ARFGEF1: variants seen among roughly 807,000 people sequenced by gnomAD.
The protein encoded by ARFGEF1 is ARF guanine nucleotide exchange factor 1.
A neutral mutation model predicts 231.0 loss-of-function variants in ARFGEF1; 42 were observed. That is an observed-to-expected ratio of 0.18 (90% CI 0.14 to 0.24). The LOEUF is 0.24. ARFGEF1 is among the 10% of genes least tolerant of loss of function. The probability of loss-of-function intolerance (pLI) is 1.00; values close to 1 mark genes in which losing one functional copy is unlikely to be tolerated. For missense variants in ARFGEF1, 1,345 were observed against 2,192.0 expected (o/e 0.61, Z 7.72); for synonymous variants, 710 against 732.3 (o/e 0.97, Z 0.49).
intron 38 of ARFGEF1, 185 bp downstream of exon 38, chr8:67,200,211 G>T (rs1463887887): frequency 3.0e-6 from 2 of 656,946 alleles, no homozygotes; most frequent in Non-Finnish European, 5.6e-6. Context: ...AGCTGGGTAA[G>T]GGGGGAGAAA....
chr8:67,179,632 T>C (rs1271709537), intron 5 of ARFGEF1, among the ~76,000 whole-genome samples: 2 of 152,212 alleles, frequency 1.3e-5, no homozygotes, highest in Non-Finnish European at 2.9e-5. Flanking sequence ...GCTTGTAGAA[T>C]CTGTAGCCTG....
chr8:67,272,180 T>G (rs1282257114), intron 9 of ARFGEF1, among the ~76,000 whole-genome samples: 1 of 152,110 alleles, frequency 6.6e-6, no homozygotes, highest in African/African-American at 2.4e-5. Flanking sequence ...CTTTTTAAAT[T>G]TATTATTTTG....
chr8:67,180,068 TGC>T lies in ARFGEF1; in HGVS notation c.561-4498_561-4497del, dbSNP rs559749210. ...TTCTTTTTTCTGTTTTAATCAGATATGCCTTGGAAAGTTTTCAAAATCAGAAT... is the reference window on the plus strand; with the variant it reads ...TTCTTTTTTCTGTTTTAATCAGATATCTTGGAAAGTTTTCAAAATCAGAAT... On this transcript the variant is annotated intron_variant, in intron 5 of 5. Transcript: ENST00000518789. 506 of 528,024 alleles carry T rather than the reference TGC, an allele frequency of 9.6e-4. 2 individuals carry two copies. Among genetic ancestry groups the T allele is most frequent in the African/African-American group, 9.4e-3 (478 of 50,998 alleles). The allele number at this position is 528,024 out of a possible 1,614,324, so 32.7% of individuals were successfully genotyped here.
intron 29 of ARFGEF1, among the ~76,000 whole-genome samples, chr8:67,223,953 G>T (rs1221033151): frequency 2.6e-5 from 4 of 152,092 alleles, no homozygotes; most frequent in African/African-American, 9.7e-5. Flanking sequence ...ATCCCTAAGG[G>T]TTAAGTCCTA....
intron 22 of ARFGEF1, among the ~76,000 whole-genome samples, chr8:67,233,999 C>T (rs1052440382): frequency 1.3e-5 from 2 of 152,068 alleles, no homozygotes; most frequent in Non-Finnish European, 2.9e-5. Flanking sequence ...TTAATGTTGC[C>T]TTCACAACCA....
intron 5 of ARFGEF1, among the ~76,000 whole-genome samples, chr8:67,180,889 A>C (rs1002728462): frequency 1.1e-4 from 16 of 152,032 alleles, no homozygotes; most frequent in African/African-American, 3.9e-4. Flanking sequence ...ACTTACGATT[A>C]TGTACTCTGA....
At chr8:67,343,110 C>T in intron 1 of ARFGEF1, 54 bp downstream of exon 1, 1 of 437,840 alleles carries the variant, frequency 2.3e-6, no homozygotes, top group Non-Finnish European at 4.0e-6. Context: ...CACAGGCGCC[C>T]CCCTCCCCGC....
At chr8:67,244,497 G>A (rs910155384) in intron 19 of ARFGEF1, among the ~76,000 whole-genome samples, 3 of 148,592 alleles carry the variant, frequency 2.0e-5, no homozygotes, top group Non-Finnish European at 3.0e-5. Context: ...ATGGGGCTTC[G>A]CCATGTTGCC....
At chr8:67,310,494 A>T (rs1465977015) in intron 1 of ARFGEF1, among the ~76,000 whole-genome samples, 1 of 152,140 alleles carries the variant, frequency 6.6e-6, no homozygotes, top group Non-Finnish European at 1.5e-5. Flanking sequence ...AAGTGCCGAG[A>T]TTGGAGCCTC....
At chr8:67,225,981 A>G (rs1457335375) in intron 28 of ARFGEF1, 42 bp downstream of exon 28, 1 of 1,516,972 alleles carries the variant, frequency 6.6e-7, no homozygotes, top group Admixed American at 2.2e-5. Flanking sequence ...TCAAATTGGA[A>G]AGAATACTCT....
chr8:67,218,122 G>T lies in ARFGEF1; in HGVS notation c.4355C>A (p.Thr1452Lys). The change falls in exon 31 of 39, where the codon ACA becomes AAA. Residue 1452 changes from threonine to lysine, a missense_variant. This residue lies in a region of ARFGEF1 where 18 missense variants were observed against 63.5 expected (regional missense o/e 0.28). Transcript: ENST00000262215. Reference sequence around the variant, plus strand: ...ATAAAGTGCATGATTGCAAGTTGTTGTCATCCATTCAGCTTTCTGGGGAAA... The same window carrying T: ...ATAAAGTGCATGATTGCAAGTTGTTTTCATCCATTCAGCTTTCTGGGGAAA... ...EQQTEKAEWM[T>K]TTCNHALYAI... The T allele has an allele frequency of 2.0e-6, 3 of 1,487,200 alleles. No individual in the cohort carries two copies. The highest frequency in any genetic ancestry group is 1.8e-6 in the Non-Finnish European group (2 of 1,114,336). 92.1% of individuals were successfully genotyped at this position (1,487,200 alleles called of 1,614,324 possible).
At chr8:67,226,794 C>G (rs929939984) in intron 27 of ARFGEF1, among the ~76,000 whole-genome samples, 2 of 152,066 alleles carry the variant, frequency 1.3e-5, no homozygotes, top group Non-Finnish European at 2.9e-5. Flanking sequence ...CCATGGGTCT[C>G]AAGACCATCT....
intron 30 of ARFGEF1, 52 bp from the exon 31 acceptor site, chr8:67,218,190 T>C: frequency 7.0e-6 from 2 of 285,256 alleles, no homozygotes; most frequent in Non-Finnish European, 8.6e-6. Context: ...ACTACTATGA[T>C]TAAAAAAAAA....
At chr8:67,257,931 T>A in intron 16 of ARFGEF1, 115 bp from the exon 17 acceptor site, 1 of 1,202,974 alleles carries the variant, frequency 8.3e-7, no homozygotes, top group South Asian at 1.5e-5. Flanking sequence ...CACATTACAA[T>A]TTTTTATGGA....
intron 15 of ARFGEF1, among the ~76,000 whole-genome samples, chr8:67,258,552 C>T (rs140429241): frequency 0.015 from 2,302 of 152,012 alleles, 63 homozygotes; most frequent in African/African-American, 0.053. Flanking sequence ...GGTCTCCTGA[C>T]CTCAGGTAAT....
At chr8:67,343,093 A>AGGGCCCCCCCCCCCCCC in intron 1 of ARFGEF1, 71 bp downstream of exon 1, 1 of 184,674 alleles carries the variant, frequency 5.4e-6, no homozygotes. Flanking sequence ...GGGCGACCCC[A>AGGGCCCCCCCCCCCCCC]CCCCCCCACA....
At chr8:67,182,286 G>A (rs939321253) in intron 5 of ARFGEF1, among the ~76,000 whole-genome samples, 2 of 152,002 alleles carry the variant, frequency 1.3e-5, no homozygotes, top group Non-Finnish European at 2.9e-5. Flanking sequence ...GAGATTACAG[G>A]TGTGAGCTAC....
intron 5 of ARFGEF1, chr8:67,177,767 G>T (rs774405810): frequency 6.9e-7 from 1 of 1,441,618 alleles, no homozygotes; most frequent in South Asian, 1.2e-5. Flanking sequence ...GTTTTTGGGG[G>T]ATTAAAAATC....
At chr8:67,175,401 G>A, downstream of ARFGEF1, 1 of 1,614,172 alleles carries the variant, frequency 6.2e-7, no homozygotes, top group Admixed American at 1.7e-5. Context: ...CAGCAGAAGA[G>A]GCTGAACAGA....
Sources: allele counts gnomAD v4.1 joint callset (sites outside exome capture counted in the v4.1 genomes callset), GRCh38; gene constraint gnomAD v4.1.1; regional missense constraint gnomAD v4.1.1; transcripts MANE v1.5; gene names NCBI Gene and HGNC (gene_info 2026-07-23, HGNC 2026-07-21).